Variants in FRMPD3 observed in about 807,000 individuals in gnomAD.
The protein encoded by FRMPD3 is FERM and PDZ domain-containing protein 3.
A neutral mutation model predicts 97.9 loss-of-function variants in FRMPD3; 42 were observed. The observed-to-expected ratio is 0.43, with a 90% CI of 0.34 to 0.55. The LOEUF (loss-of-function observed/expected upper bound fraction) is 0.55. Ranked by LOEUF, FRMPD3 falls within the 20% of genes least tolerant of loss-of-function variation. The pLI is 0.03. For synonymous variants in FRMPD3, 577 were observed against 581.1 expected (o/e 0.99, Z 0.10); for missense variants, 1,303 against 1,457.7 (o/e 0.89, Z 1.73).
chrX:107,454,228 T>G (rs1039284773), intron 1 of FRMPD3, among the ~76,000 whole-genome samples: 4 of 111,321 alleles, frequency 3.6e-5, no homozygotes, highest in Non-Finnish European at 7.5e-5. Flanking sequence ...CCCTCAAATC[T>G]GGGTGTTCTC....
intron 1 of FRMPD3, among the ~76,000 whole-genome samples, chrX:107,473,774 G>A (rs1225985893): frequency 8.9e-6 from 1 of 112,592 alleles, no homozygotes; most frequent in Non-Finnish European, 1.9e-5. Flanking sequence ...GTGTGTATTT[G>A]AGGGCCTGTT....
At chrX:107,458,131 T>A (rs1235669290) in intron 1 of FRMPD3, among the ~76,000 whole-genome samples, 1 of 111,177 alleles carries the variant, frequency 9.0e-6, no homozygotes, top group African/African-American at 3.3e-5. Flanking sequence ...ACAGCGGAGA[T>A]CCTTAGCGGG....
In FRMPD3 at chrX:107,533,369, G is replaced by A. The variant is rs769731449; in HGVS notation, c.252-136G>A. On this transcript the variant is annotated intron_variant, in intron 3 of 14. Coordinates refer to ENST00000683843, the MANE Select transcript of FRMPD3 (RefSeq NM_001388459.1). ...AAATGATGGGAGGTGAAGTGTCCATGCAGACACTCAGATTGCCCTCTATCC... is the reference window on the plus strand; with the variant it reads ...AAATGATGGGAGGTGAAGTGTCCATACAGACACTCAGATTGCCCTCTATCC... 2.5e-5 allele frequency: 12 copies of A among 479,160 alleles called. No homozygotes were observed. The South Asian group carries it at 4.0e-4, about 16-fold the overall frequency. The allele number at this position is 479,160 out of a possible 1,213,427, so 39.5% of individuals were successfully genotyped here.
At chrX:107,462,817 C>G (rs1931499534) in intron 1 of FRMPD3, among the ~76,000 whole-genome samples, 1 of 111,916 alleles carries the variant, frequency 8.9e-6, no homozygotes, top group Non-Finnish European at 1.9e-5. Context: ...GACCACCTGC[C>G]AGTTCATTTG....
chrX:107,564,042 T>C lies in FRMPD3; in HGVS notation c.1116+842T>C, dbSNP rs757488503. Among the ~76,000 whole-genome samples the C allele has an allele frequency of 3.6e-5, 4 of 112,246 alleles. No individual in the cohort carries two copies. The East Asian group carries it at 1.1e-3, about 32-fold the overall frequency. On this transcript the variant is annotated intron_variant, in intron 11 of 14. Transcript: ENST00000683843. ...ATCGGTGGAAAGCCACTTATCAAAG[T>C]GCCTATAGACAGGCACAAGAGGTTC...
chrX:107,587,324 A>G (rs1923698304), intron 13 of FRMPD3, among the ~76,000 whole-genome samples: 1 of 109,394 alleles, frequency 9.1e-6, no homozygotes, highest in Non-Finnish European at 1.9e-5. Context: ...CCATCCCCTT[A>G]TTCTGAGCCT....
At chrX:107,498,614 G>A (rs1921831894) in intron 1 of FRMPD3, among the ~76,000 whole-genome samples, 1 of 111,696 alleles carries the variant, frequency 9.0e-6, no homozygotes, top group African/African-American at 3.3e-5. Flanking sequence ...ATTTTGGGAA[G>A]GAAGACCTAG....
At chrX:107,526,361 G>A (rs1053360439) in intron 1 of FRMPD3, among the ~76,000 whole-genome samples, 3 of 111,515 alleles carry the variant, frequency 2.7e-5, no homozygotes, top group African/African-American at 9.8e-5. Flanking sequence ...TCTTCTATTG[G>A]CTGTAGCCCT....
intron 8 of FRMPD3, among the ~76,000 whole-genome samples, chrX:107,557,378 T>C (rs1045098036): frequency 9.0e-6 from 1 of 111,108 alleles, no homozygotes; most frequent in African/African-American, 3.3e-5. Context: ...TTGTTAGATA[T>C]ATTATTTGCA....
At chrX:107,506,738 A>AGG (rs1922038062) in intron 1 of FRMPD3, among the ~76,000 whole-genome samples, 1 of 111,859 alleles carries the variant, frequency 8.9e-6, no homozygotes, top group South Asian at 3.8e-4. Context: ...GGTGGGTGAG[A>AGG]GGCAGCAGAC....
rs372462915 is a variant in FRMPD3 at position 107,563,213 on chromosome X, G to A, written c.1116+13G>A. The A allele has an allele frequency of 1.7e-6, 2 of 1,183,871 alleles. No homozygotes were observed. Among genetic ancestry groups the A allele is most frequent in the South Asian group, 1.8e-5 (1 of 55,502 alleles). Reference sequence around the variant, plus strand: ...CACTGTAGGCCTGGTCAGTGGCGCAGGATTGGGGGATGTGGGGAGGGAGCC... The same window carrying A: ...CACTGTAGGCCTGGTCAGTGGCGCAAGATTGGGGGATGTGGGGAGGGAGCC... On this transcript the variant is annotated intron_variant, in intron 11 of 14. Coordinates refer to ENST00000683843, the MANE Select transcript of FRMPD3 (RefSeq NM_001388459.1).
At chrX:107,545,970 G>A (rs887131509) in intron 5 of FRMPD3, 129 bp downstream of exon 5, 24 of 492,801 alleles carry the variant, frequency 4.9e-5, no homozygotes, top group Non-Finnish European at 8.3e-5. Context: ...TCCAGGTGCT[G>A]GAGGGGGAAA....
chrX:107,540,890 T>G (rs1921262703), intron 4 of FRMPD3, among the ~76,000 whole-genome samples: 1 of 112,666 alleles, frequency 8.9e-6, no homozygotes, highest in Non-Finnish European at 1.9e-5. Context: ...TCAGTGATTC[T>G]TATCATCAGG....
intron 11 of FRMPD3, among the ~76,000 whole-genome samples, chrX:107,563,529 A>C (rs1202620193): frequency 8.9e-6 from 1 of 112,781 alleles, no homozygotes; most frequent in African/African-American, 3.2e-5. Context: ...CCCTGCTGTC[A>C]GATTATGAAA....
chrX:107,583,869 C>CTTT (rs1270872725), intron 13 of FRMPD3, among the ~76,000 whole-genome samples: 2 of 94,883 alleles, frequency 2.1e-5, no homozygotes, highest in Non-Finnish European at 4.3e-5. Context: ...CTTTTTCTTT[C>CTTT]TTTTTTTTTT....
chrX:107,467,023 TGAGA>T (rs1556151770), intron 1 of FRMPD3, among the ~76,000 whole-genome samples: 3 of 98,310 alleles, frequency 3.1e-5, no homozygotes, highest in Non-Finnish European at 6.2e-5. Flanking sequence ...TGTGTGTGTG[TGAGA>T]GAGAGAGAGA....
chrX:107,520,924 T>TA (rs1922487377), intron 1 of FRMPD3, among the ~76,000 whole-genome samples: 1 of 112,239 alleles, frequency 8.9e-6, no homozygotes, highest in Non-Finnish European at 1.9e-5. Flanking sequence ...TGGAGCATAG[T>TA]AAGTCCTCAA....
At chrX:107,468,713 G>A (rs1015133198) in intron 1 of FRMPD3, among the ~76,000 whole-genome samples, 3 of 112,512 alleles carry the variant, frequency 2.7e-5, no homozygotes, top group Non-Finnish European at 3.8e-5. Flanking sequence ...GGAAAAACTG[G>A]GGAAGACTTT....
intron 13 of FRMPD3, among the ~76,000 whole-genome samples, chrX:107,592,935 T>C (rs1348254365): frequency 9.2e-6 from 1 of 108,813 alleles, no homozygotes. Flanking sequence ...TGCACCACCA[T>C]GCCTGGCTAA....
Sources: allele counts gnomAD v4.1 joint callset (sites outside exome capture counted in the v4.1 genomes callset), GRCh38; gene constraint gnomAD v4.1.1; transcripts MANE v1.5; gene names NCBI Gene and HGNC (gene_info 2026-07-23, HGNC 2026-07-21).